Variants in PLEKHA8 observed in about 807,000 individuals in gnomAD.
PLEKHA8 encodes the protein pleckstrin homology domain-containing family A member 8.
Under a neutral mutation model 68.2 loss-of-function variants are expected in PLEKHA8, and 36 were observed. That is an observed-to-expected ratio of 0.53 (90% CI 0.40 to 0.70). The LOEUF (loss-of-function observed/expected upper bound fraction) is 0.70, where lower values mean the gene tolerates loss of function less well. Among genes scored for constraint, PLEKHA8 ranks in the 30% least tolerant of loss-of-function variants. PLEKHA8 has a pLI of 0.00. For missense variants in PLEKHA8, 505 were observed against 615.4 expected (o/e 0.82, Z 1.90); for synonymous variants, 211 against 216.1 (o/e 0.98, Z 0.20).
Position 30,078,924 on chromosome 7 carries a change from G to A in PLEKHA8, c.*137G>A, listed in dbSNP as rs570295748. The stretch of plus-strand genomic sequence containing the variant: ...GATGGACAGGAGGTGGCAAAACCCA[G>A]TGCTTTTATAATTTTTAAAATGCAT... On this transcript the variant is annotated 3_prime_UTR_variant, in exon 14 of 14. Transcript: ENST00000449726. 8.4e-6 allele frequency: 12 copies of A among 1,432,610 alleles called. No individual in the cohort carries two copies. The East Asian group carries it at 2.5e-4, about 30-fold the overall frequency. The allele number at this position is 1,432,610 out of a possible 1,614,324, so 88.7% of individuals were successfully genotyped here.
intron 5 of PLEKHA8, among the ~76,000 whole-genome samples, chr7:30,049,903 CCT>C (rs763831304): frequency 1.3e-5 from 2 of 152,232 alleles, no homozygotes; most frequent in Non-Finnish European, 2.9e-5. Flanking sequence ...ATGCTCTTCA[CCT>C]CTCTTTCCTG....
At chr7:30,091,914 G>A (rs1210606995), downstream of PLEKHA8, among the ~76,000 whole-genome samples, 1 of 152,212 alleles carries the variant, frequency 6.6e-6, no homozygotes, top group African/African-American at 2.4e-5. Flanking sequence ...GCCATCCAGA[G>A]ATGGCAGATG....
chr7:30,092,476 A>T (rs1795455941), downstream of PLEKHA8, among the ~76,000 whole-genome samples: 1 of 151,932 alleles, frequency 6.6e-6, no homozygotes, highest in African/African-American at 2.4e-5. Flanking sequence ...TGGCACTACC[A>T]TTTCCTTGCC....
intron 5 of PLEKHA8, 101 bp downstream of exon 5, chr7:30,049,483 C>T: frequency 1.4e-6 from 2 of 1,423,100 alleles, no homozygotes; most frequent in African/African-American, 1.4e-5. Context: ...CTTATAAAGA[C>T]AGTTTTTTAA....
At chr7:30,047,774 T>C (rs1301918941) in intron 3 of PLEKHA8, 58 bp from the exon 4 acceptor site, 2 of 1,524,914 alleles carry the variant, frequency 1.3e-6, no homozygotes, top group Non-Finnish European at 8.9e-7. Flanking sequence ...CATAGTATCC[T>C]AACTAGTAAA....
rs145475646 is a variant in PLEKHA8, at chr7:30,069,260, C to G, written c.1301-4811C>G. On this transcript the variant is annotated intron_variant, in intron 12 of 13. Transcript: ENST00000449726. ...ATCTCCTGGTTCCTAATTCTTGCCT[C>G]AGAACTGTCTAGTTGAGCACATTTG... Among the ~76,000 whole-genome samples the G allele has an allele frequency of 7.2e-5, 11 of 152,354 alleles. No individual in the cohort carries two copies. The East Asian group carries it at 1.3e-3, about 19-fold the overall frequency.
In PLEKHA8 at chr7:30,062,582, T is replaced by G. The variant is rs989085152; in HGVS notation, c.1230-90T>G. On this transcript the variant is annotated intron_variant, in intron 11 of 13. Coordinates refer to ENST00000449726, the MANE Select transcript of PLEKHA8 (RefSeq NM_001197026.2). ...TTCACTGCTGTGCCTAAGATGTTAC[T>G]GAAATGGAAGCTGATGTCTGCCATT... The G allele has an allele frequency of 7.1e-5, 65 of 911,804 alleles. No homozygotes were observed. The East Asian group carries it at 1.6e-3, about 23-fold the overall frequency. 56.5% of individuals were successfully genotyped at this position (911,804 alleles called of 1,614,324 possible). A position where few individuals can be genotyped will look rare whatever the true frequency, so the allele number is the denominator to read the frequency against.
rs1033409521 is a variant in PLEKHA8 at position 30,126,083 on chromosome 7, A to AT, written c.1363-3172dup. On this transcript the variant is annotated intron_variant, in intron 13 of 13. Coordinates refer to the PLEKHA8 transcript ENST00000396257. ...CACTCTAAGTCTCTGTCATCTACAGATTTTTTTTTTTCACTCTGAGGCTTG... is the reference window on the plus strand; with the variant it reads ...CACTCTAAGTCTCTGTCATCTACAGATTTTTTTTTTTTCACTCTGAGGCTTG... Among the ~76,000 whole-genome samples, 814 of 147,946 alleles carry AT rather than the reference A, an allele frequency of 5.5e-3. 5 individuals are homozygous for AT. Among genetic ancestry groups the AT allele is most frequent in the African/African-American group, 0.018 (717 of 40,472 alleles).
At chr7:30,128,706 A>G (rs566207322) in intron 13 of PLEKHA8, among the ~76,000 whole-genome samples, 1 of 152,220 alleles carries the variant, frequency 6.6e-6, no homozygotes, top group Admixed American at 6.5e-5. Context: ...AGAATACCTG[A>G]GGCTGGGGAG....
intron 12 of PLEKHA8, among the ~76,000 whole-genome samples, chr7:30,073,512 G>A (rs935313549): frequency 2.2e-5 from 3 of 134,892 alleles, no homozygotes; most frequent in African/African-American, 2.8e-5. Context: ...ATAAGCTGAA[G>A]TTCAGATATA....
chr7:30,050,411 T>C (rs1379882503), intron 5 of PLEKHA8, 23 bp from the exon 6 acceptor site: 9 of 1,565,974 alleles, frequency 5.7e-6, no homozygotes, highest in Admixed American at 2.0e-5. Flanking sequence ...ATGTGAACTT[T>C]CCTTTCTTTG....
intron 13 of PLEKHA8, among the ~76,000 whole-genome samples, chr7:30,110,532 C>T (rs1462393962): frequency 6.6e-6 from 1 of 152,108 alleles, no homozygotes; most frequent in East Asian, 1.9e-4. Context: ...TGGTATGTAC[C>T]TAGGAGCACA....
Position 30,055,289 on chromosome 7 carries a change from G to A in PLEKHA8, c.986G>A (p.Gly329Asp), listed in dbSNP as rs745987910. The A allele has an allele frequency of 6.2e-7, 1 of 1,614,132 alleles. No homozygotes were observed. The highest frequency in any genetic ancestry group is 8.5e-7 in the Non-Finnish European group (1 of 1,180,014). ...GACATTGAACTTCTGGAAGACAGTG[G>A]CATTCCCACAGAAGCATTCTTGGCA... is the stretch of plus-strand genomic sequence containing the variant. ...FSDIELLEDS[G>D]IPTEAFLASC... The change falls in exon 9 of 14, where the codon GGC (glycine) becomes GAC (aspartate). Residue 329 changes from glycine to aspartate, a missense_variant. Transcript: ENST00000449726.
chr7:30,068,371 A>G lies in PLEKHA8; in HGVS notation c.1300+5629A>G, dbSNP rs1004964881. On this transcript the variant is annotated intron_variant, in intron 12 of 13. Transcript: ENST00000449726. ...GTAGTGAGAGTTCCCAATACTCCAC[A>G]TTCTTTTTAGCACTTGTCATTGTCA... Among the ~76,000 whole-genome samples the G allele has an allele frequency of 2.0e-5, 3 of 152,358 alleles. No homozygotes were observed. In the South Asian group the frequency reaches 6.2e-4, roughly 32 times the overall value.
rs113417310 is a variant in PLEKHA8 at position 30,045,484 on chromosome 7, A to G, written c.157+283A>G. Among the ~76,000 whole-genome samples the G allele has an allele frequency of 2.6e-5, 4 of 152,212 alleles. 1 individual carries two copies. Among genetic ancestry groups the G allele is most frequent in the East Asian group, 3.8e-4 (2 of 5,202 alleles). ...ACCTGCTCACTTGGGACCAGTGGCT[A>G]TTAGCAAAACTTAAAGTCTTTACTG... On this transcript the variant is annotated intron_variant, in intron 2 of 13. Transcript: ENST00000449726.
At chr7:30,039,698 T>A (rs1485607023) in intron 1 of PLEKHA8, among the ~76,000 whole-genome samples, 1 of 152,244 alleles carries the variant, frequency 6.6e-6, no homozygotes, top group Admixed American at 6.5e-5. Flanking sequence ...TCATTTATTC[T>A]AATAGGTTTT....
chr7:30,058,841 C>T (rs370636036), intron 9 of PLEKHA8, among the ~76,000 whole-genome samples: 1 of 152,152 alleles, frequency 6.6e-6, no homozygotes. Context: ...TAAACAACAT[C>T]GAAGGCTGGG....
chr7:30,049,186 G>T (rs767875082), intron 4 of PLEKHA8, 38 bp from the exon 5 acceptor site: 3 of 1,611,136 alleles, frequency 1.9e-6, no homozygotes, highest in Non-Finnish European at 2.5e-6. Flanking sequence ...TTCTTTTTTG[G>T]CAAGGTAAAG....
At chr7:30,058,085 C>T (rs1056718773) in intron 9 of PLEKHA8, among the ~76,000 whole-genome samples, 1 of 152,008 alleles carries the variant, frequency 6.6e-6, no homozygotes, top group African/African-American at 2.4e-5. Context: ...TAATTATTGG[C>T]CATCCCTATC....
Sources: allele counts gnomAD v4.1 joint callset (sites outside exome capture counted in the v4.1 genomes callset), GRCh38; gene constraint gnomAD v4.1.1; transcripts MANE v1.5; gene names NCBI Gene and HGNC (gene_info 2026-07-23, HGNC 2026-07-21).